Variants in GALNT2 observed in about 807,000 individuals in gnomAD.
GALNT2 encodes the protein UDP-GalNAc:polypeptide N-acetylgalactosaminyltransferase 2.
A neutral mutation model predicts 81.4 loss-of-function variants in GALNT2; 31 were observed. That is an observed-to-expected ratio of 0.38 (90% confidence interval 0.29 to 0.51). The LOEUF is 0.51. Ranked by LOEUF, GALNT2 falls within the 20% of genes least tolerant of loss-of-function variation. The pLI, the probability that GALNT2 is intolerant of heterozygous loss-of-function variation, is 0.87. For synonymous variants in GALNT2, 303 were observed against 287.4 expected (o/e 1.05, Z -0.55); for missense variants, 629 against 765.7 (o/e 0.82, Z 2.11).
intron 2 of GALNT2, among the ~76,000 whole-genome samples, chr1:230,188,686 G>A (rs1161488357): frequency 6.6e-6 from 1 of 152,062 alleles, no homozygotes; most frequent in African/African-American, 2.4e-5. Context: ...GTCTACTGTG[G>A]ATGAGTTTTT....
chr1:230,151,723 G>T (rs1239063961), intron 1 of GALNT2, among the ~76,000 whole-genome samples: 1 of 152,180 alleles, frequency 6.6e-6, no homozygotes, highest in East Asian at 1.9e-4. Context: ...CCAAGAGAGG[G>T]TTCTTGGATC....
intron 8 of GALNT2, among the ~76,000 whole-genome samples, chr1:230,248,514 A>G (rs113075596): frequency 0.018 from 2,730 of 152,314 alleles, 76 homozygotes; most frequent in African/African-American, 0.062. Flanking sequence ...GCAGATGCCC[A>G]CAACCAAGTC....
intron 1 of GALNT2, among the ~76,000 whole-genome samples, chr1:230,127,156 T>G (rs1424517486): frequency 6.6e-6 from 1 of 152,156 alleles, no homozygotes; most frequent in Non-Finnish European, 1.5e-5. Flanking sequence ...CACCCTACTT[T>G]ACTCGGAAAC....
At chr1:230,182,393 T>G (rs1663189165) in intron 2 of GALNT2, among the ~76,000 whole-genome samples, 1 of 152,222 alleles carries the variant, frequency 6.6e-6, no homozygotes, top group African/African-American at 2.4e-5. Context: ...AGCACTGCTT[T>G]TGCTGCATCT....
At chr1:230,090,895 T>C (rs1660051814) in intron 1 of GALNT2, among the ~76,000 whole-genome samples, 1 of 152,140 alleles carries the variant, frequency 6.6e-6, no homozygotes, top group Non-Finnish European at 1.5e-5. Context: ...GTTTGGAAAC[T>C]CAATGTTATT....
chr1:230,080,604 C>T (rs923998498), intron 1 of GALNT2, among the ~76,000 whole-genome samples: 2 of 152,124 alleles, frequency 1.3e-5, no homozygotes, highest in Non-Finnish European at 2.9e-5. Context: ...TGCATGGGAG[C>T]TCTTGGTGGA....
intron 3 of GALNT2, among the ~76,000 whole-genome samples, chr1:230,211,891 C>G (rs1336021688): frequency 6.6e-6 from 1 of 152,192 alleles, no homozygotes; most frequent in African/African-American, 2.4e-5. Flanking sequence ...ACCCCACTTC[C>G]AGAAAGTAGA....
At chr1:230,169,902 T>C (rs922582640) in intron 1 of GALNT2, among the ~76,000 whole-genome samples, 1 of 152,228 alleles carries the variant, frequency 6.6e-6, no homozygotes, top group East Asian at 1.9e-4. Flanking sequence ...ATAAACTAAG[T>C]TGGAGCAGTG....
chr1:230,216,548 C>A (rs1044559109), intron 3 of GALNT2, among the ~76,000 whole-genome samples: 1 of 152,194 alleles, frequency 6.6e-6, no homozygotes, highest in African/African-American at 2.4e-5. Flanking sequence ...AAGCCATCCC[C>A]CTGAGTAGCT....
chr1:230,161,748 A>C (rs187504901), intron 1 of GALNT2, among the ~76,000 whole-genome samples: 5 of 152,230 alleles, frequency 3.3e-5, no homozygotes, highest in Admixed American at 3.3e-4. Flanking sequence ...CCTTCCTGAG[A>C]TTGTTGTGAA....
At chr1:230,264,795 C>A (rs1665983678) in intron 13 of GALNT2, 1 of 153,766 alleles carries the variant, frequency 6.5e-6, no homozygotes. Context: ...GTGGCTGTGG[C>A]TTTGTTCACA....
chr1:230,077,535 C>T (rs973090195), intron 1 of GALNT2, among the ~76,000 whole-genome samples: 1 of 152,198 alleles, frequency 6.6e-6, no homozygotes, highest in African/African-American at 2.4e-5. Flanking sequence ...TGAAAGAGCT[C>T]TTTCAGACCG....
Position 230,280,117 on chromosome 1 carries a change from G to A in GALNT2, c.*659G>A, listed in dbSNP as rs558006697. 3.8e-5 allele frequency: 16 copies of A among 417,886 alleles called. No individual in the cohort carries two copies. The highest frequency in any genetic ancestry group is 1.8e-4 in the African/African-American group (9 of 49,088). 25.9% of individuals were successfully genotyped at this position (417,886 alleles called of 1,614,324 possible). A position where few individuals can be genotyped will look rare whatever the true frequency, so the allele number is the denominator to read the frequency against. On this transcript the variant is annotated 3_prime_UTR_variant, in exon 16 of 16. Transcript: ENST00000366672. Reference sequence around the variant, plus strand: ...TTCCCTATGGTTTCTGTAGATCATCGTCATCTTGTATATTCCCCACAAAGC... The same window carrying A: ...TTCCCTATGGTTTCTGTAGATCATCATCATCTTGTATATTCCCCACAAAGC...
chr1:230,228,226 C>A (rs372431773), intron 3 of GALNT2, among the ~76,000 whole-genome samples: 50 of 152,264 alleles, frequency 3.3e-4, no homozygotes, highest in African/African-American at 1.2e-3. Flanking sequence ...ATATTAATTT[C>A]CTTCAAATTA....
At chr1:230,099,365 G>A (rs1245364753) in intron 1 of GALNT2, among the ~76,000 whole-genome samples, 1 of 152,194 alleles carries the variant, frequency 6.6e-6, no homozygotes, top group East Asian at 1.9e-4. Flanking sequence ...GCCATGGTCA[G>A]ATGTCTTGGG....
intron 3 of GALNT2, among the ~76,000 whole-genome samples, chr1:230,227,929 A>G (rs1360245097): frequency 6.6e-6 from 1 of 152,250 alleles, no homozygotes; most frequent in Non-Finnish European, 1.5e-5. Context: ...AAAGACAGGG[A>G]CAGAATGTAG....
Position 230,161,273 on chromosome 1 carries a change from C to T in GALNT2, c.127-16945C>T, listed in dbSNP as rs544665898. Among the ~76,000 whole-genome samples, 54 of 152,332 alleles carry T rather than the reference C, an allele frequency of 3.5e-4. No homozygotes were observed. In the East Asian group the frequency reaches 0.01, roughly 29 times the overall value. On this transcript the variant is annotated intron_variant, in intron 1 of 15. Coordinates refer to ENST00000366672, the MANE Select transcript of GALNT2 (RefSeq NM_004481.5). The stretch of plus-strand genomic sequence containing the variant: ...TTGCTAGCTATTGTCTGGGGCTCCT[C>T]AACTCTCCACATGCCCCAGTAGCAT...
intron 3 of GALNT2, 97 bp from the exon 4 acceptor site, chr1:230,235,917 A>G: frequency 3.9e-6 from 4 of 1,017,248 alleles, no homozygotes; most frequent in South Asian, 2.9e-5. Flanking sequence ...TAGCATGTCC[A>G]TCCCAGTTGG....
intron 1 of GALNT2, among the ~76,000 whole-genome samples, chr1:230,171,343 A>G (rs899621764): frequency 1.3e-5 from 2 of 152,248 alleles, no homozygotes; most frequent in Non-Finnish European, 2.9e-5. Context: ...GCTGTGAAAT[A>G]TAAATTATTA....
Sources: allele counts gnomAD v4.1 joint callset (sites outside exome capture counted in the v4.1 genomes callset), GRCh38; gene constraint gnomAD v4.1.1; transcripts MANE v1.5; gene names NCBI Gene and HGNC (gene_info 2026-07-23, HGNC 2026-07-21).